SORCS2: variants seen among roughly 807,000 people sequenced by gnomAD.
SORCS2 encodes the protein sortilin related VPS10 domain containing receptor 2.
A neutral mutation model predicts 141.6 loss-of-function variants in SORCS2; 100 were observed. The ratio of observed to expected loss-of-function variants is 0.71; its 90% CI spans 0.60 to 0.83. The LOEUF is 0.83. Ranked by LOEUF, SORCS2 falls within the 40% of genes least tolerant of loss-of-function variation. The pLI is 0.00. For missense variants in SORCS2, 1,646 were observed against 1,560.2 expected, an observed-to-expected ratio of 1.05 and a Z score of -0.93; for synonymous variants, 789 against 676.9, an observed-to-expected ratio of 1.17 and a Z score of -2.57.
At chr4:7,490,503 A>G (rs2109398968) in intron 2 of SORCS2, among the ~76,000 whole-genome samples, 1 of 129,782 alleles carries the variant, frequency 7.7e-6, no homozygotes, top group Middle Eastern at 3.8e-3. Flanking sequence ...AGCACCCCAG[A>G]ATTGCCACTG....
At chr4:7,634,521 T>C (rs949192524) in intron 3 of SORCS2, among the ~76,000 whole-genome samples, 2 of 152,170 alleles carry the variant, frequency 1.3e-5, no homozygotes, top group South Asian at 2.1e-4. Flanking sequence ...AACTAAAGTA[T>C]AAAATAAATA....
chr4:7,637,480 C>G (rs1038089752), intron 3 of SORCS2, among the ~76,000 whole-genome samples: 2 of 152,262 alleles, frequency 1.3e-5, no homozygotes, highest in African/African-American at 4.8e-5. Context: ...CCTGTCTTGG[C>G]TCTCTGGAAT....
chr4:7,487,209 T>G (rs973811504), intron 2 of SORCS2, among the ~76,000 whole-genome samples: 10 of 152,230 alleles, frequency 6.6e-5, no homozygotes, highest in Admixed American at 2.0e-4. Context: ...TAAGGAGATC[T>G]GCAAAGCCAC....
At chr4:7,238,683 G>T (rs1016776483) in intron 1 of SORCS2, among the ~76,000 whole-genome samples, 1 of 152,206 alleles carries the variant, frequency 6.6e-6, no homozygotes, top group Non-Finnish European at 1.5e-5. Context: ...GATTAGGAGC[G>T]TGAGCTGCTG....
At chr4:7,674,798 T>C (rs1368100191) in intron 8 of SORCS2, among the ~76,000 whole-genome samples, 17 of 138,930 alleles carry the variant, frequency 1.2e-4, no homozygotes, top group Admixed American at 6.9e-4. Flanking sequence ...TGATCTGTTA[T>C]TGTACAGAAA....
intron 1 of SORCS2, among the ~76,000 whole-genome samples, chr4:7,231,194 G>A (rs1460963137): frequency 6.6e-6 from 1 of 152,226 alleles, no homozygotes; most frequent in African/African-American, 2.4e-5. Flanking sequence ...GTAGAGCCTG[G>A]AAGAGCTGAT....
chr4:7,490,520 A>AG (rs1425641777), intron 2 of SORCS2, among the ~76,000 whole-genome samples: 1 of 106,154 alleles, frequency 9.4e-6, no homozygotes, highest in Non-Finnish European at 2.0e-5. Context: ...ACTGCCAGGG[A>AG]GGTGGGGCTG....
chr4:7,573,634 C>T (rs1420783693), intron 3 of SORCS2, among the ~76,000 whole-genome samples: 1 of 152,208 alleles, frequency 6.6e-6, no homozygotes, highest in African/African-American at 2.4e-5. Context: ...TCTCCTGCCT[C>T]AGCCCCCTGA....
chr4:7,581,787 G>C (rs961788888), intron 3 of SORCS2, among the ~76,000 whole-genome samples: 1 of 152,168 alleles, frequency 6.6e-6, no homozygotes, highest in Non-Finnish European at 1.5e-5. Flanking sequence ...CCAGAGTCTG[G>C]ATGCTAGGCC....
chr4:7,520,939 G>T (rs1480092497), intron 2 of SORCS2, among the ~76,000 whole-genome samples: 3 of 152,250 alleles, frequency 2.0e-5, no homozygotes, highest in Admixed American at 6.5e-5. Context: ...CCCCTCTGGG[G>T]CATTGGTGCA....
At chr4:7,288,277 G>A (rs1289361324) in intron 1 of SORCS2, among the ~76,000 whole-genome samples, 1 of 152,048 alleles carries the variant, frequency 6.6e-6, no homozygotes, top group Non-Finnish European at 1.5e-5. Context: ...TCTGAAATTC[G>A]GGGCCTTGCT....
At chr4:7,636,534 T>C (rs1398740639) in intron 3 of SORCS2, among the ~76,000 whole-genome samples, 1 of 152,046 alleles carries the variant, frequency 6.6e-6, no homozygotes, top group Non-Finnish European at 1.5e-5. Flanking sequence ...TGTCTGCCAA[T>C]TGCAAAGCAA....
intron 3 of SORCS2, among the ~76,000 whole-genome samples, chr4:7,597,559 G>A (rs1039867921): frequency 6.7e-6 from 1 of 148,550 alleles, no homozygotes; most frequent in Non-Finnish European, 1.5e-5. Flanking sequence ...GGAAGGAGCT[G>A]TTGCAATAGG....
At chr4:7,508,769 C>T (rs1014745557) in intron 2 of SORCS2, among the ~76,000 whole-genome samples, 1 of 152,174 alleles carries the variant, frequency 6.6e-6, no homozygotes, top group East Asian at 1.9e-4. Context: ...ATGGCTGTAG[C>T]ACGCATCAGT....
chr4:7,524,514 C>T (rs936653088), intron 2 of SORCS2, among the ~76,000 whole-genome samples: 2 of 152,066 alleles, frequency 1.3e-5, no homozygotes, highest in African/African-American at 4.8e-5. Flanking sequence ...ATTGCCTTGT[C>T]TGGTTGAGTC....
chr4:7,242,080 G>A (rs1712740050), intron 1 of SORCS2, among the ~76,000 whole-genome samples: 1 of 152,290 alleles, frequency 6.6e-6, no homozygotes, highest in Non-Finnish European at 1.5e-5. Context: ...AGGACCCTCA[G>A]ACCCACCCTG....
chr4:7,285,852 C>G (rs4689681), intron 1 of SORCS2, among the ~76,000 whole-genome samples: 91,024 of 152,080 alleles, frequency 0.6, 27,903 homozygotes, highest in Middle Eastern at 0.7. Flanking sequence ...TGAGTGAGTT[C>G]AGATGCTCCT....
intron 2 of SORCS2, among the ~76,000 whole-genome samples, chr4:7,488,235 T>G (rs1731113201): frequency 6.6e-6 from 1 of 152,196 alleles, no homozygotes; most frequent in Non-Finnish European, 1.5e-5. Context: ...AGTTCTGCTG[T>G]CCTGTTTTGC....
intron 2 of SORCS2, among the ~76,000 whole-genome samples, chr4:7,471,504 G>A (rs536962587): frequency 1.1e-4 from 17 of 152,324 alleles, no homozygotes; most frequent in Admixed American, 2.6e-4. Flanking sequence ...GCTGGGCCAC[G>A]TCCCCTTCGT....
Sources: gnomAD v4.1 joint callset for allele counts (sites outside exome capture counted in the v4.1 genomes callset) on GRCh38, gnomAD v4.1.1 for gene constraint, MANE v1.5 for transcripts, NCBI Gene and HGNC (gene_info 2026-07-23, HGNC 2026-07-21) for gene names.